GLIS3: variants seen among roughly 807,000 people sequenced by gnomAD.
The protein encoded by GLIS3 is GLIS family zinc finger 3.
In GLIS3, 53 loss-of-function variants were observed where a neutral mutation model predicts 78.6. That is an observed-to-expected ratio of 0.67 (90% CI 0.54 to 0.85). The LOEUF (loss-of-function observed/expected upper bound fraction) is 0.85. Among genes scored for constraint, GLIS3 ranks in the 40% least tolerant of loss-of-function variants. The pLI is 0.00. For missense variants in GLIS3, 1,703 were observed against 1,231.1 expected, an observed-to-expected ratio of 1.38 and a Z score of -5.74; for synonymous variants, 684 against 509.9, an observed-to-expected ratio of 1.34 and a Z score of -4.60.
chr9:4,178,265 T>G (rs1247090413), intron 2 of GLIS3, among the ~76,000 whole-genome samples: 1 of 151,770 alleles, frequency 6.6e-6, no homozygotes, highest in Admixed American at 6.6e-5. Context: ...CCCCCACAAT[T>G]TACTCTGCCA....
chr9:3,828,546 G>T, intron 10 of GLIS3, 138 bp from the exon 11 acceptor site: 1 of 1,089,066 alleles, frequency 9.2e-7, no homozygotes, highest in Non-Finnish European at 1.4e-6. Context: ...GCCCTATAGT[G>T]AGTCTCTGTT....
chr9:4,477,567 C>T, the GLIS3 span, among the ~76,000 whole-genome samples: 5 of 152,060 alleles, frequency 3.3e-5, no homozygotes, highest in African/African-American at 1.2e-4. Context: ...GATGTGCACA[C>T]CACACCCAGC....
intron 1 of GLIS3, among the ~76,000 whole-genome samples, chr9:4,291,863 G>C (rs1175037183): frequency 6.6e-6 from 1 of 152,064 alleles, no homozygotes; most frequent in Non-Finnish European, 1.5e-5. Context: ...TATCCTCCTA[G>C]TTTACTAAAT....
At chr9:4,389,981 A>T in the GLIS3 span, among the ~76,000 whole-genome samples, 2 of 152,230 alleles carry the variant, frequency 1.3e-5, no homozygotes, top group African/African-American at 4.8e-5. Flanking sequence ...GAAGGGAATT[A>T]TTCACTCATT....
At chr9:4,417,201 G>T in the GLIS3 span, among the ~76,000 whole-genome samples, 1 of 152,120 alleles carries the variant, frequency 6.6e-6, no homozygotes, top group Admixed American at 6.5e-5. Context: ...GTGATTTGTG[G>T]ACTGAAGAGC....
At position 4,298,481 on chromosome 9, in the gene GLIS3, T is replaced by G. The variant is rs151059859; in HGVS notation, c.-99+940A>C. 3.6e-4 allele frequency: 160 copies of G among 447,214 alleles called. 1 individual carries two copies. Among genetic ancestry groups the G allele is most frequent in the East Asian group, 2.4e-3 (31 of 13,168 alleles). The allele number at this position is 447,214 out of a possible 1,614,324, so 27.7% of individuals were successfully genotyped here. On this transcript the variant is annotated intron_variant, in intron 1 of 10. Coordinates refer to ENST00000381971, the MANE Select transcript of GLIS3 (RefSeq NM_001042413.2). ...CCCCGAGGTGACTTGTCAGCTCCAG[T>G]GAGTAACTTGGAACTGTCGCTCGGG...
intron 2 of GLIS3, among the ~76,000 whole-genome samples, chr9:4,201,702 G>A (rs1200953688): frequency 6.6e-6 from 1 of 151,972 alleles, no homozygotes; most frequent in African/African-American, 2.4e-5. Context: ...ACAAACAAAT[G>A]AAAAAACATT....
intron 2 of GLIS3, among the ~76,000 whole-genome samples, chr9:4,249,524 A>G (rs925300445): frequency 2.0e-5 from 3 of 152,194 alleles, no homozygotes; most frequent in Non-Finnish European, 4.4e-5. Flanking sequence ...TGGGGCTGAG[A>G]CAATGGGGTT....
chr9:4,334,305 A>G (rs1817723272), intron 2 of GLIS3, among the ~76,000 whole-genome samples: 1 of 152,204 alleles, frequency 6.6e-6, no homozygotes, highest in Non-Finnish European at 1.5e-5. Flanking sequence ...CAAATTACAG[A>G]GAGATCACAG....
intron 7 of GLIS3, among the ~76,000 whole-genome samples, chr9:3,888,616 T>C (rs1379522123): frequency 6.6e-6 from 1 of 152,220 alleles, no homozygotes; most frequent in East Asian, 1.9e-4. Flanking sequence ...TCGATTATCA[T>C]GAGCCCTGGG....
At chr9:4,204,661 T>C (rs1485209692) in intron 2 of GLIS3, among the ~76,000 whole-genome samples, 1 of 152,110 alleles carries the variant, frequency 6.6e-6, no homozygotes, top group Non-Finnish European at 1.5e-5. Flanking sequence ...CTCACACCTG[T>C]AATCCTAGCA....
At chr9:3,938,089 T>C (rs1043332217) in intron 4 of GLIS3, among the ~76,000 whole-genome samples, 1 of 152,216 alleles carries the variant, frequency 6.6e-6, no homozygotes, top group South Asian at 2.1e-4. Context: ...AAAGAAAATG[T>C]GTTAGAGAAA....
intron 2 of GLIS3, among the ~76,000 whole-genome samples, chr9:4,263,257 G>C (rs1193777824): frequency 6.6e-6 from 1 of 152,190 alleles, no homozygotes; most frequent in African/African-American, 2.4e-5. Context: ...AGAGAGGACA[G>C]GTGATTCTGT....
chr9:3,978,181 G>A (rs1470115646), intron 4 of GLIS3, among the ~76,000 whole-genome samples: 1 of 152,122 alleles, frequency 6.6e-6, no homozygotes, highest in African/African-American at 2.4e-5. Flanking sequence ...GGTAATCTCA[G>A]AGTGAAAAAC....
intron 2 of GLIS3, among the ~76,000 whole-genome samples, chr9:4,195,295 G>C (rs1460978915): frequency 6.6e-6 from 1 of 152,222 alleles, no homozygotes; most frequent in Admixed American, 6.5e-5. Context: ...GGGAGGTGTG[G>C]AGGGAGAGGC....
At chr9:4,164,902 C>T (rs866911635) in intron 2 of GLIS3, among the ~76,000 whole-genome samples, 1 of 152,110 alleles carries the variant, frequency 6.6e-6, no homozygotes, top group Non-Finnish European at 1.5e-5. Flanking sequence ...CCAAAGATAG[C>T]AGAGCAGCTG....
chr9:4,483,198 C>CT, the GLIS3 span, among the ~76,000 whole-genome samples: 1 of 120,806 alleles, frequency 8.3e-6, no homozygotes, highest in Non-Finnish European at 1.6e-5. Flanking sequence ...CTATATCTTG[C>CT]TTTAGGCAGA....
the GLIS3 span, among the ~76,000 whole-genome samples, chr9:4,372,537 G>T: frequency 7.5e-6 from 1 of 133,076 alleles, no homozygotes; most frequent in Non-Finnish European, 1.6e-5. Context: ...ATACTCCTCT[G>T]CACAGTGACC....
intron 2 of GLIS3, among the ~76,000 whole-genome samples, chr9:4,271,092 T>G (rs1003669381): frequency 1.3e-5 from 2 of 152,148 alleles, no homozygotes; most frequent in African/African-American, 4.8e-5. Context: ...GAATGAAGAA[T>G]TTTATGATGA....
Sources: allele counts gnomAD v4.1 joint callset (sites outside exome capture counted in the v4.1 genomes callset), GRCh38; gene constraint gnomAD v4.1.1; transcripts MANE v1.5; gene names NCBI Gene and HGNC (gene_info 2026-07-23, HGNC 2026-07-21).